Variants in CD99 observed in about 807,000 individuals in gnomAD.
CD99 encodes CD99 antigen.
In CD99, 19 loss-of-function variants were observed where a neutral mutation model predicts 28.4. The ratio of observed to expected loss-of-function variants is 0.67; its 90% CI spans 0.47 to 0.98. The LOEUF (loss-of-function observed/expected upper bound fraction) is 0.98. CD99 is among the 50% of genes least tolerant of loss of function. The pLI, the probability that CD99 is intolerant of heterozygous loss-of-function variation, is 0.00. For missense variants in CD99, 283 were observed against 248.8 expected, an observed-to-expected ratio of 1.14 and a Z score of -0.92; for synonymous variants, 103 against 92.1, an observed-to-expected ratio of 1.12 and a Z score of -0.67.
chrX:2,724,307 C>T (rs1050926379), intron 7 of CD99, among the ~76,000 whole-genome samples: 7 of 152,086 alleles, frequency 4.6e-5, no homozygotes, highest in Admixed American at 1.3e-4. Flanking sequence ...ATGACTGTGT[C>T]CTGCACATAT....
chrX:2,741,004 G>T lies in CD99; in HGVS notation c.*200G>T, dbSNP rs2050164595. On this transcript the variant is annotated 3_prime_UTR_variant, in exon 10 of 10. Coordinates refer to ENST00000381192, the MANE Select transcript of CD99 (RefSeq NM_002414.5). ...TAACGATGAATTTTACATCCAAAGGGGGATAGGCACTTGGACCCCCATTCT... is the reference window on the plus strand; with the variant it reads ...TAACGATGAATTTTACATCCAAAGGTGGATAGGCACTTGGACCCCCATTCT... 3.1e-6 allele frequency: 2 copies of T among 654,128 alleles called. No individual in the cohort carries two copies. The highest frequency in any genetic ancestry group is 2.7e-5 in the Admixed American group (1 of 37,380). 40.5% of individuals were successfully genotyped at this position (654,128 alleles called of 1,614,324 possible).
At chrX:2,696,473 T>C (rs1159400408) in intron 1 of CD99, among the ~76,000 whole-genome samples, 1 of 152,182 alleles carries the variant, frequency 6.6e-6, no homozygotes, top group Non-Finnish European at 1.5e-5. Flanking sequence ...CGATCTCGGC[T>C]CACTGCAACC....
chrX:2,735,999 G>A (rs1452570483), intron 8 of CD99, among the ~76,000 whole-genome samples: 3 of 151,644 alleles, frequency 2.0e-5, no homozygotes, highest in Admixed American at 6.6e-5. Context: ...TCAGGAGATC[G>A]AGACCATCCT....
At chrX:2,693,265 C>T (rs181885083) in intron 1 of CD99, among the ~76,000 whole-genome samples, 19 of 146,294 alleles carry the variant, frequency 1.3e-4, no homozygotes, top group Admixed American at 9.6e-4. Context: ...ATCTGGAACT[C>T]CTGATTTTGG....
intron 8 of CD99, among the ~76,000 whole-genome samples, chrX:2,734,469 G>C (rs1010662175): frequency 1.3e-5 from 2 of 151,814 alleles, no homozygotes; most frequent in African/African-American, 4.8e-5. Context: ...ACCACACCCA[G>C]CTAATTTTTG....
chrX:2,726,183 C>G lies in CD99; in HGVS notation c.362-77C>G, dbSNP rs867590944. 9.5e-6 allele frequency: 8 copies of G among 840,844 alleles called. No individual in the cohort carries two copies. In the African/African-American group the frequency reaches 1.2e-4, roughly 12 times the overall value. The allele number at this position is 840,844 out of a possible 1,614,324, so 52.1% of individuals were successfully genotyped here. On this transcript the variant is annotated intron_variant, in intron 7 of 9. Transcript: ENST00000381192. ...CTTGGTGCTCTCAGACTGACTGTCT[C>G]TGCCAGCCACTGCCCCCTGGGATCT...
chrX:2,709,612 AC>A, intron 1 of CD99, among the ~76,000 whole-genome samples: 1 of 152,392 alleles, frequency 6.6e-6, no homozygotes, highest in South Asian at 2.1e-4. Flanking sequence ...ACACACGTGC[AC>A]ACACAGAAAC....
intron 1 of CD99, among the ~76,000 whole-genome samples, chrX:2,696,507 TCTC>T (rs1251165833): frequency 2.0e-5 from 3 of 152,100 alleles, no homozygotes; most frequent in African/African-American, 7.2e-5. Flanking sequence ...TTCAAGCAAT[TCTC>T]CTGTCTCAGC....
chrX:2,702,567 T>C (rs1302531741), intron 1 of CD99, among the ~76,000 whole-genome samples: 1 of 152,208 alleles, frequency 6.6e-6, no homozygotes, highest in Non-Finnish European at 1.5e-5. Context: ...ACATCAATAT[T>C]CCTGGCATTT....
In CD99 at chrX:2,724,434, G is replaced by A. The variant is rs369098890; in HGVS notation, c.361+1070G>A. On this transcript the variant is annotated intron_variant, in intron 7 of 9. Transcript: ENST00000381192. Reference sequence around the variant, plus strand: ...GAGGGCGGAGAAGATTCTATCTGGAGAAGGGTCCTCTGAAGCTCACATCTG... The same window carrying A: ...GAGGGCGGAGAAGATTCTATCTGGAAAAGGGTCCTCTGAAGCTCACATCTG... Among the ~76,000 whole-genome samples, 14 of 150,898 alleles carry A rather than the reference G, an allele frequency of 9.3e-5. No individual in the cohort carries two copies. The East Asian group carries it at 2.0e-3, about 21-fold the overall frequency.
At chrX:2,706,260 T>G (rs1452043108) in intron 1 of CD99, among the ~76,000 whole-genome samples, 1 of 151,934 alleles carries the variant, frequency 6.6e-6, no homozygotes, top group Non-Finnish European at 1.5e-5. Flanking sequence ...CTCGGGAGGC[T>G]GAGGCAGCAG....
At chrX:2,732,066 T>C (rs1339107102) in intron 8 of CD99, among the ~76,000 whole-genome samples, 1 of 152,092 alleles carries the variant, frequency 6.6e-6, no homozygotes, top group Admixed American at 6.5e-5. Flanking sequence ...TTACTTTTAA[T>C]GGCAAAAACC....
rs149284460 is a variant in CD99 at position 2,707,433 on chromosome X, C to A, written c.68-6989C>A. Among the ~76,000 whole-genome samples the A allele has an allele frequency of 4.9e-3, 748 of 152,296 alleles. 3 individuals carry two copies. Among genetic ancestry groups the A allele is most frequent in the Non-Finnish European group, 8.7e-3 (590 of 68,024 alleles). Reference sequence around the variant, plus strand: ...GAGTGCATTCCTGCATTAGTGCAAGCCTTAGTCACGTTGCAGAGGAACTCA... The same window carrying A: ...GAGTGCATTCCTGCATTAGTGCAAGACTTAGTCACGTTGCAGAGGAACTCA... On this transcript the variant is annotated intron_variant, in intron 1 of 9. Transcript: ENST00000381192.
At chrX:2,694,707 C>T (rs2047491648) in intron 1 of CD99, among the ~76,000 whole-genome samples, 1 of 151,702 alleles carries the variant, frequency 6.6e-6, no homozygotes, top group South Asian at 2.1e-4. Context: ...GAGCTGAGAT[C>T]GTGTCACCGC....
At chrX:2,701,299 T>C (rs912422772) in intron 1 of CD99, among the ~76,000 whole-genome samples, 3 of 150,154 alleles carry the variant, frequency 2.0e-5, no homozygotes, top group African/African-American at 7.3e-5. Context: ...TCCCAGTCCA[T>C]GGCTCTTTCA....
intron 1 of CD99, among the ~76,000 whole-genome samples, chrX:2,708,650 G>A (rs1193960776): frequency 6.6e-6 from 1 of 152,186 alleles, no homozygotes; most frequent in Non-Finnish European, 1.5e-5. Context: ...GCTGAGGCGA[G>A]TTCTCCAAGG....
At position 2,737,053 on chromosome X, in the gene CD99, G is replaced by C. The variant is rs1001294802; in HGVS notation, c.476-1147G>C. On this transcript the variant is annotated intron_variant, in intron 8 of 9. Transcript: ENST00000381192. The stretch of plus-strand genomic sequence containing the variant: ...CTCTGCATTCTGAGGGAGGTAGAAG[G>C]GGGGACAGGAGAGCCAATTCAACCT... Among the ~76,000 whole-genome samples the C allele has an allele frequency of 2.0e-4, 31 of 152,098 alleles. 2 individuals carry two copies. The highest frequency in any genetic ancestry group is 9.2e-4 in the Admixed American group (14 of 15,252).
chrX:2,723,997 AGAAG>A (rs751288418), intron 7 of CD99, among the ~76,000 whole-genome samples: 61 of 151,814 alleles, frequency 4.0e-4, no homozygotes, highest in African/African-American at 1.3e-3. Context: ...AGGGATGGAG[AGAAG>A]GAAGGAAGGA....
Position 2,691,380 on chromosome X carries a change from T to G in CD99, c.20T>G (p.Leu7Arg), listed in dbSNP as rs762797384. 4.4e-6 allele frequency: 7 copies of G among 1,578,610 alleles called. No homozygotes were observed. The highest frequency in any genetic ancestry group is 6.0e-6 in the Non-Finnish European group (7 of 1,172,214). Residue 7 changes from leucine (L) to arginine (R), a missense_variant, in exon 1 of 10, where the codon CTG becomes CGG. Coordinates refer to ENST00000381192, the MANE Select transcript of CD99 (RefSeq NM_002414.5). MARGAALALLLFGLLGV... is the reference protein window; with the variant it reads MARGAARALLLFGLLGV... ...CGCACCATGGCCCGCGGGGCTGCGC[T>G]GGCGCTGCTGCTCTTCGGCCTGCTG... is the stretch of plus-strand genomic sequence containing the variant.
Sources: allele counts gnomAD v4.1 joint callset (sites outside exome capture counted in the v4.1 genomes callset), GRCh38; gene constraint gnomAD v4.1.1; transcripts MANE v1.5; gene names NCBI Gene and HGNC (gene_info 2026-07-23, HGNC 2026-07-21).